Variants in ARHGEF12 observed in about 807,000 individuals in gnomAD.
The protein encoded by ARHGEF12 is Rho guanine nucleotide exchange factor 12.
ARHGEF12 carries 66 observed loss-of-function variants against 211.2 expected under a neutral mutation model. The ratio of observed to expected loss-of-function variants is 0.31; its 90% CI spans 0.26 to 0.38. ARHGEF12 has a LOEUF of 0.38. ARHGEF12 is among the 10% of genes least tolerant of loss of function. The probability of loss-of-function intolerance (pLI) is 1.00; values close to 1 mark genes in which losing one functional copy is unlikely to be tolerated. For missense variants in ARHGEF12, 1,429 were observed against 1,869.5 expected (o/e 0.76, Z 4.34); for synonymous variants, 592 against 638.4 (o/e 0.93, Z 1.09).
At chr11:120,365,666 A>G (rs1943403291) in intron 1 of ARHGEF12, 1 of 152,208 alleles carries the variant, frequency 6.6e-6, no homozygotes, top group Non-Finnish European at 1.5e-5. Flanking sequence ...AAGAAAGATG[A>G]TATGTCTGTG....
At chr11:120,376,222 AT>A (rs34068708) in intron 1 of ARHGEF12, among the ~76,000 whole-genome samples, 69,609 of 150,512 alleles carry the variant, frequency 0.46, 16,830 homozygotes, top group African/African-American at 0.62. Context: ...GAAATGTTAA[AT>A]TTTTTTTTTT....
At chr11:120,425,982 A>G (rs912484569) in intron 7 of ARHGEF12, among the ~76,000 whole-genome samples, 3 of 152,158 alleles carry the variant, frequency 2.0e-5, no homozygotes, top group Non-Finnish European at 4.4e-5. Flanking sequence ...AATTTAATAA[A>G]CTAACTTTTT....
chr11:120,428,073 T>A lies in ARHGEF12; in HGVS notation c.411T>A (p.Gly137=), dbSNP rs1388458824. ...TTTCCGTCTCCCCACCCCAAGCTGGTTCCTATGTAGCTCTCACTGTTCAGG... is the reference window on the plus strand; with the variant it reads ...TTTCCGTCTCCCCACCCCAAGCTGGATCCTATGTAGCTCTCACTGTTCAGG... ...HLEVVKLIKS[G]SYVALTVQGR... The change falls in exon 8 of 41, where the codon GGT becomes GGA. Residue 137 remains glycine, a synonymous_variant. Coordinates refer to ENST00000397843, the MANE Select transcript of ARHGEF12 (RefSeq NM_015313.3). 2.5e-6 allele frequency: 4 copies of A among 1,572,332 alleles called. No homozygotes were observed. Among genetic ancestry groups the A allele is most frequent in the Non-Finnish European group, 3.4e-6 (4 of 1,160,170 alleles).
intron 1 of ARHGEF12, among the ~76,000 whole-genome samples, chr11:120,371,183 C>G (rs1207195925): frequency 1.3e-5 from 2 of 152,102 alleles, no homozygotes; most frequent in Admixed American, 1.3e-4. Context: ...AAAGTATAGA[C>G]ATTTATTAAA....
At chr11:120,429,591 A>C in intron 9 of ARHGEF12, 74 bp downstream of exon 9, 1 of 1,571,280 alleles carries the variant, frequency 6.4e-7, no homozygotes, top group Admixed American at 1.7e-5. Flanking sequence ...GGTGTTTATC[A>C]GTCACAATCA....
rs1945476730 is a variant in ARHGEF12, at chr11:120,429,979, AT to A, written c.783+149del. The A allele has an allele frequency of 1.2e-5, 10 of 813,270 alleles. No individual in the cohort carries two copies. The South Asian group carries it at 2.6e-4, about 21-fold the overall frequency. 50.4% of individuals were successfully genotyped at this position (813,270 alleles called of 1,614,324 possible). On this transcript the variant is annotated intron_variant, in intron 10 of 40. Coordinates refer to ENST00000397843, the MANE Select transcript of ARHGEF12 (RefSeq NM_015313.3). ...TCCTGTTAAGGATGTTACAGAAGTA[AT>A]GATTAACAAAAATAAATGTGGGCGT...
Position 120,429,734 on chromosome 11 carries a change from G to A in ARHGEF12, c.686G>A (p.Arg229Gln), listed in dbSNP as rs1267568810. Residue 229 changes from arginine (R) to glutamine (Q), a missense_variant, in exon 10 of 41, where the codon CGA becomes CAA. By Grantham distance (43) the Arg-to-Gln change is conservative. Transcript: ENST00000397843. ...CAGTTATTGCAGGAAGATTACAACC[G>A]AACACCTGCCCAAAGATTGCTAAAA... is the stretch of plus-strand genomic sequence containing the variant. Reference protein sequence around the residue: ...RLQLLQEDYNRTPAQRLLKEI... With the variant: ...RLQLLQEDYNQTPAQRLLKEI... 16 of 1,613,118 alleles carry A rather than the reference G, an allele frequency of 9.9e-6. No individual in the cohort carries two copies. The highest frequency in any genetic ancestry group is 1.4e-5 in the Non-Finnish European group (16 of 1,179,690).
At chr11:120,357,181 C>CG (rs1943153992) in intron 1 of ARHGEF12, among the ~76,000 whole-genome samples, 1 of 151,982 alleles carries the variant, frequency 6.6e-6, no homozygotes, top group Non-Finnish European at 1.5e-5. Flanking sequence ...TTAGTAGAGA[C>CG]GGGGTTTCAC....
chr11:120,466,220 G>A (rs949840689), intron 28 of ARHGEF12, among the ~76,000 whole-genome samples: 2 of 152,212 alleles, frequency 1.3e-5, no homozygotes, highest in Non-Finnish European at 2.9e-5. Context: ...TCTGATGCTC[G>A]AGGTTCTCTT....
intron 20 of ARHGEF12, 102 bp from the exon 21 acceptor site, chr11:120,449,006 CA>C (rs1344965332): frequency 1.0e-6 from 1 of 970,872 alleles, no homozygotes; most frequent in African/African-American, 1.6e-5. Flanking sequence ...TTTTCATTTA[CA>C]CTTAACAATT....
At position 120,347,266 on chromosome 11, in the gene ARHGEF12, CTGTCTGTG is replaced by C. The variant is rs1466432831; in HGVS notation, c.32+9995_32+10002del. 8.0e-4 allele frequency among the ~76,000 whole-genome samples: 107 copies of C among 133,556 alleles called. 1 individual carries two copies. Among genetic ancestry groups the C allele is most frequent in the Non-Finnish European group, 8.9e-4 (57 of 63,890 alleles). The allele number at this position is 133,556 out of a possible 152,430, so 87.6% of individuals were successfully genotyped here. On this transcript the variant is annotated intron_variant, in intron 1 of 40. Coordinates refer to ENST00000397843, the MANE Select transcript of ARHGEF12 (RefSeq NM_015313.3). ...TCTGTTTCTCTCTCTCTCTCTCTCT[CTGTCTGTG>C]TGTGTGTGTGTGTGTGTGTGTGTGT... is the stretch of plus-strand genomic sequence containing the variant.
intron 26 of ARHGEF12, 76 bp from the exon 27 acceptor site, chr11:120,460,595 AT>A (rs1188961037): frequency 6.6e-6 from 8 of 1,203,118 alleles, no homozygotes; most frequent in East Asian, 4.7e-5. Context: ...AAAAAAAAAA[AT>A]TAGCTACTCT....
chr11:120,449,423 G>T, intron 21 of ARHGEF12: 1 of 489,556 alleles, frequency 2.0e-6, no homozygotes, highest in African/African-American at 1.9e-5. Context: ...TTCGTGGGCT[G>T]GGCGTGGTGA....
chr11:120,440,534 G>A (rs1474349059), intron 13 of ARHGEF12, among the ~76,000 whole-genome samples: 1 of 152,098 alleles, frequency 6.6e-6, no homozygotes, highest in African/African-American at 2.4e-5. Flanking sequence ...AAAGGAATAT[G>A]ATTAGCTAGA....
At chr11:120,455,265 A>G (rs12270008) in intron 22 of ARHGEF12, among the ~76,000 whole-genome samples, 2,014 of 152,312 alleles carry the variant, frequency 0.013, 54 homozygotes, top group African/African-American at 0.046. Context: ...GAAAGGGCTC[A>G]CTGAGAACCA....
At chr11:120,368,109 C>G (rs1943480224) in intron 1 of ARHGEF12, among the ~76,000 whole-genome samples, 1 of 151,910 alleles carries the variant, frequency 6.6e-6, no homozygotes, top group Admixed American at 6.6e-5. Flanking sequence ...CAGGGTCTCA[C>G]TCTTATTGCT....
chr11:120,472,825 T>G (rs1457309916), intron 30 of ARHGEF12, among the ~76,000 whole-genome samples: 2 of 152,012 alleles, frequency 1.3e-5, no homozygotes, highest in Non-Finnish European at 1.5e-5. Flanking sequence ...CGGCTAATTT[T>G]TTTTTATTTT....
intron 3 of ARHGEF12, 55 bp downstream of exon 3, chr11:120,407,878 A>G: frequency 6.7e-7 from 1 of 1,491,006 alleles, no homozygotes; most frequent in Non-Finnish European, 9.3e-7. Flanking sequence ...GTTCAGAATA[A>G]TAGAGCTTAA....
intron 1 of ARHGEF12, among the ~76,000 whole-genome samples, chr11:120,341,545 A>G (rs778210768): frequency 3.9e-5 from 6 of 152,234 alleles, no homozygotes; most frequent in Admixed American, 2.0e-4. Context: ...TGCCTCTTCT[A>G]AATGTCATCC....
Sources: gnomAD v4.1 joint callset for allele counts (sites outside exome capture counted in the v4.1 genomes callset) on GRCh38, gnomAD v4.1.1 for gene constraint, MANE v1.5 for transcripts, NCBI Gene and HGNC (gene_info 2026-07-23, HGNC 2026-07-21) for gene names.